CEP120: variants seen among roughly 807,000 people sequenced by gnomAD.
CEP120 encodes the protein centrosomal protein 120.
CEP120 carries 113 observed loss-of-function variants against 126.5 expected under a neutral mutation model. That is an observed-to-expected ratio of 0.89 (90% CI 0.77 to 1.04). CEP120 has a LOEUF of 1.04. CEP120 is among the 50% of genes least tolerant of loss of function. The pLI is 0.00. For synonymous variants in CEP120, 400 were observed against 394.3 expected (o/e 1.01, Z -0.17); for missense variants, 1,230 against 1,155.7 (o/e 1.06, Z -0.93).
chr5:123,389,794 C>G lies in CEP120; in HGVS notation c.1255+130G>C, dbSNP rs1322151197. The G allele has an allele frequency of 1.9e-5, 15 of 777,652 alleles. No individual in the cohort carries two copies. The East Asian group carries it at 3.2e-4, about 17-fold the overall frequency. 48.2% of individuals were successfully genotyped at this position (777,652 alleles called of 1,614,324 possible). ...GGATTACAGGCGTGAGCCACCGTGC[C>G]CAGCCTTATTGGTTCTTAACAAACC... On this transcript the variant is annotated intron_variant, in intron 8 of 19. Transcript: ENST00000306467.
chr5:123,414,971 C>CAA lies in CEP120; in HGVS notation c.321+1037_321+1038dup, dbSNP rs56756568. Among the ~76,000 whole-genome samples the CAA allele has an allele frequency of 9.6e-4, 39 of 40,662 alleles. 1 individual carries two copies. Among genetic ancestry groups the CAA allele is most frequent in the Non-Finnish European group, 1.0e-3 (26 of 25,482 alleles). 26.7% of individuals were successfully genotyped at this position (40,662 alleles called of 152,430 possible). A position where few individuals can be genotyped will look rare whatever the true frequency, so the allele number is the denominator to read the frequency against. ...TGGGCAACAGAGCAAGACTCCATCTCAAAAAAAAAAAAAAAAAAAAAAAAA... is the reference window on the plus strand; with the variant it reads ...TGGGCAACAGAGCAAGACTCCATCTCAAAAAAAAAAAAAAAAAAAAAAAAAAA... On this transcript the variant is annotated intron_variant, in intron 3 of 19. Coordinates refer to ENST00000306467, the MANE Select transcript of CEP120 (RefSeq NM_001375405.1).
intron 5 of CEP120, 144 bp from the exon 6 acceptor site, chr5:123,393,641 GCCAAATTACTA>G (rs749161086): frequency 2.5e-5 from 16 of 651,514 alleles, no homozygotes; most frequent in Non-Finnish European, 3.8e-5. Flanking sequence ...CTGAATTTCT[GCCAAATTACTA>G]CCAAATTACT....
chr5:123,372,505 G>A (rs1770919427), intron 17 of CEP120, 145 bp downstream of exon 17: 3 of 789,122 alleles, frequency 3.8e-6, no homozygotes, highest in Non-Finnish European at 6.1e-6. Context: ...TACTAATAAT[G>A]TCACGTGCCT....
chr5:123,356,047 T>C (rs1769588907), intron 18 of CEP120, among the ~76,000 whole-genome samples: 2 of 152,192 alleles, frequency 1.3e-5, no homozygotes, highest in Admixed American at 6.5e-5. Context: ...CCTTTCCCCA[T>C]TTCCTGTTTT....
rs1457396372 is a variant in CEP120 at position 123,378,361 on chromosome 5, T to G, written c.2171A>C (p.Gln724Pro). Residue 724 changes from glutamine to proline, a missense_variant, in exon 15 of 20, where the codon CAG (glutamine) becomes CCG (proline). Physicochemically the swap from Gln to Pro is moderately conservative, Grantham distance 76. Coordinates refer to ENST00000306467, the MANE Select transcript of CEP120 (RefSeq NM_001375405.1). The part of the protein sequence containing the change: ...KTLIDLEKRE[Q>P]QLASVESELQ... The stretch of plus-strand genomic sequence containing the variant: ...CTCTGATTCCACACTAGCAAGCTGC[T>G]GCTCTCGCTTCTCCAAGTCAATTAG... 6.2e-7 allele frequency: 1 copy of G among 1,608,770 alleles called. No homozygotes were observed. The highest frequency in any genetic ancestry group is 1.1e-5 in the South Asian group (1 of 90,364).
chr5:123,371,012 A>G (rs1256447412), intron 17 of CEP120, among the ~76,000 whole-genome samples: 1 of 151,994 alleles, frequency 6.6e-6, no homozygotes, highest in Non-Finnish European at 1.5e-5. Context: ...TTACCAGATA[A>G]AATTTGAATT....
At chr5:123,387,386 TCAGCTCCCTATGCTTACCACCACACTAC>T (rs1028531940) in intron 9 of CEP120, among the ~76,000 whole-genome samples, 1 of 152,064 alleles carries the variant, frequency 6.6e-6, no homozygotes, top group Non-Finnish European at 1.5e-5. Context: ...CCCTAGAGTT[TCAGCTCCCTATGCTTACCACCACACTAC>T]AGGATTTAGT....
intron 18 of CEP120, among the ~76,000 whole-genome samples, chr5:123,355,771 A>C (rs906110325): frequency 6.6e-6 from 1 of 151,652 alleles, no homozygotes; most frequent in Non-Finnish European, 1.5e-5. Flanking sequence ...TGCTGTGCAG[A>C]AGCTCTTTAA....
intron 5 of CEP120, among the ~76,000 whole-genome samples, chr5:123,396,557 T>C (rs1447661734): frequency 3.9e-5 from 6 of 152,174 alleles, no homozygotes; most frequent in Admixed American, 6.5e-5. Flanking sequence ...AACTTTACCA[T>C]ACAAATGTAG....
intron 8 of CEP120, 131 bp downstream of exon 8, chr5:123,389,793 C>T (rs1580698196): frequency 2.6e-6 from 2 of 769,930 alleles, no homozygotes; most frequent in Non-Finnish European, 4.2e-6. Flanking sequence ...AGCCACCGTG[C>T]CCAGCCTTAT....
At chr5:123,363,672 T>C (rs562211373) in intron 18 of CEP120, among the ~76,000 whole-genome samples, 2 of 151,644 alleles carry the variant, frequency 1.3e-5, no homozygotes, top group South Asian at 2.1e-4. Flanking sequence ...TGTAGACTGG[T>C]AGTACTCCAT....
chr5:123,389,403 TA>T (rs1772239803), intron 8 of CEP120, among the ~76,000 whole-genome samples: 1 of 152,236 alleles, frequency 6.6e-6, no homozygotes, highest in Admixed American at 6.5e-5. Context: ...AGTGTACAAG[TA>T]AAATAAAAAA....
chr5:123,396,184 T>C (rs1772780482), intron 5 of CEP120, among the ~76,000 whole-genome samples: 1 of 152,124 alleles, frequency 6.6e-6, no homozygotes, highest in Non-Finnish European at 1.5e-5. Context: ...TGCCAAAGTT[T>C]GTTTATCCAT....
chr5:123,348,038 C>G (rs368595391), intron 19 of CEP120, among the ~76,000 whole-genome samples: 1 of 152,150 alleles, frequency 6.6e-6, no homozygotes, highest in African/African-American at 2.4e-5. Context: ...GAATACTGAA[C>G]ACTACTTCCA....
chr5:123,363,217 C>T (rs1282351839), intron 18 of CEP120, among the ~76,000 whole-genome samples: 1 of 151,560 alleles, frequency 6.6e-6, no homozygotes, highest in East Asian at 1.9e-4. Flanking sequence ...GTATCTATCT[C>T]CAGAGGTCTA....
intron 1 of CEP120, among the ~76,000 whole-genome samples, chr5:123,419,814 A>T (rs958655674): frequency 6.6e-6 from 1 of 152,212 alleles, no homozygotes; most frequent in Non-Finnish European, 1.5e-5. Context: ...CTGAGGATCT[A>T]GTTAAGAGAA....
chr5:123,394,212 C>A (rs1772604768), intron 5 of CEP120, among the ~76,000 whole-genome samples: 1 of 152,164 alleles, frequency 6.6e-6, no homozygotes, highest in African/African-American at 2.4e-5. Flanking sequence ...TACACCATGG[C>A]TGCTAAATAA....
intron 17 of CEP120, among the ~76,000 whole-genome samples, chr5:123,367,357 C>A (rs1056543567): frequency 6.6e-6 from 1 of 151,882 alleles, no homozygotes; most frequent in African/African-American, 2.4e-5. Flanking sequence ...TACTAAATTA[C>A]ATGCCTTCAA....
At position 123,386,675 on chromosome 5, in the gene CEP120, TTAAAAAAA is replaced by T. The variant is rs1772046185; in HGVS notation, c.1431-16_1431-9del. 2.1e-4 allele frequency: 144 copies of T among 688,858 alleles called. No individual in the cohort carries two copies. Among genetic ancestry groups the T allele is most frequent in the Admixed American group, 6.9e-4 (9 of 12,992 alleles). The allele number at this position is 688,858 out of a possible 1,614,324, so 42.7% of individuals were successfully genotyped here. The stretch of plus-strand genomic sequence containing the variant: ...AAGAATGGATATGAGTACCTAGAAT[TTAAAAAAA>T]AAAAAAAAAAAAAAAGCCTTAATGA... On this transcript the variant is annotated splice_polypyrimidine_tract_variant and intron_variant, in intron 9 of 19. Coordinates refer to ENST00000306467, the MANE Select transcript of CEP120 (RefSeq NM_001375405.1).
Sources: gnomAD v4.1 joint callset for allele counts (sites outside exome capture counted in the v4.1 genomes callset) on GRCh38, gnomAD v4.1.1 for gene constraint, MANE v1.5 for transcripts, NCBI Gene and HGNC (gene_info 2026-07-23, HGNC 2026-07-21) for gene names.